SUSD4: variants seen among roughly 807,000 people sequenced by gnomAD.
The protein encoded by SUSD4 is sushi domain containing 4.
In SUSD4, 41 loss-of-function variants were observed where a neutral mutation model predicts 50.5. That is an observed-to-expected ratio of 0.81 (90% CI 0.63 to 1.05). The LOEUF is 1.05. Ranked by LOEUF, SUSD4 falls within the 50% of genes least tolerant of loss-of-function variation. The pLI is 0.00. For missense variants in SUSD4, 580 were observed against 634.7 expected, an observed-to-expected ratio of 0.91 and a Z score of 0.93; for synonymous variants, 257 against 257.3, an observed-to-expected ratio of 1.00 and a Z score of 0.01.
At chr1:223,349,434 TGTGA>T (rs1668231477) in intron 2 of SUSD4, among the ~76,000 whole-genome samples, 1 of 152,126 alleles carries the variant, frequency 6.6e-6, no homozygotes. Flanking sequence ...AATCGAATAA[TGTGA>T]GTGTCTAGCA....
At chr1:223,237,555 A>C (rs1660307973) in intron 5 of SUSD4, among the ~76,000 whole-genome samples, 1 of 151,848 alleles carries the variant, frequency 6.6e-6, no homozygotes, top group Non-Finnish European at 1.5e-5. Context: ...TTTTTTTTTA[A>C]ATCATAAATT....
chr1:223,336,807 G>A (rs943474642), intron 2 of SUSD4, among the ~76,000 whole-genome samples: 2 of 152,010 alleles, frequency 1.3e-5, no homozygotes, highest in Non-Finnish European at 2.9e-5. Flanking sequence ...CTATCTCAGC[G>A]AGTCCTATCA....
rs944579642 is a variant in SUSD4 at position 223,221,533 on chromosome 1, G to A, written c.*659C>T. 1 of 158,394 alleles carries A rather than the reference G, an allele frequency of 6.3e-6. No individual in the cohort carries two copies. The highest frequency in any genetic ancestry group is 1.4e-5 in the Non-Finnish European group (1 of 72,432). The allele number at this position is 158,394 out of a possible 1,614,324, so 9.8% of individuals were successfully genotyped here. A position where few individuals can be genotyped will look rare whatever the true frequency, so the allele number is the denominator to read the frequency against. The stretch of plus-strand genomic sequence containing the variant: ...GAGTTCATGAGCTCTACTTTGTGAA[G>A]AAATTTCCAGAAAGCAGAGTCTGCC... On this transcript the variant is annotated 3_prime_UTR_variant, in exon 9 of 9. Coordinates refer to ENST00000366878, the MANE Select transcript of SUSD4 (RefSeq NM_017982.4).
Position 223,227,677 on chromosome 1 carries a change from C to T in SUSD4, c.978G>A (p.Thr326=), listed in dbSNP as rs780896543. 9.3e-6 allele frequency: 15 copies of T among 1,613,534 alleles called. No homozygotes were observed. The highest frequency in any genetic ancestry group is 2.7e-5 in the African/African-American group (2 of 74,866). The part of the protein sequence containing the change: ...LLTTWKIVAF[T]ATSVLLVLLL... ...GCAGCACCAGCAGCACACTGGTTGC[C>T]GTGAACGCCACAATCTTCCACGTGG... is the stretch of plus-strand genomic sequence containing the variant. The change falls in exon 7 of 9, where the codon ACG becomes ACA. Residue 326 remains threonine, a synonymous_variant. Transcript: ENST00000366878. The surrounding 1 kb of genome is among the most constrained non-coding windows in gnomAD (Gnocchi z 4.5).
intron 2 of SUSD4, among the ~76,000 whole-genome samples, chr1:223,310,933 T>C (rs1227239295): frequency 2.0e-5 from 3 of 152,180 alleles, no homozygotes; most frequent in Admixed American, 2.0e-4. Flanking sequence ...GCAAATAACA[T>C]AATGTCCCTT....
intron 2 of SUSD4, among the ~76,000 whole-genome samples, chr1:223,307,791 A>G (rs1772272): frequency 0.96 from 146,895 of 152,266 alleles, 71,063 homozygotes; most frequent in East Asian, 1. Flanking sequence ...GTCAAGCAAC[A>G]AGATTAGGGC....
intron 3 of SUSD4, among the ~76,000 whole-genome samples, chr1:223,290,240 G>C (rs1221037027): frequency 6.6e-6 from 1 of 152,142 alleles, no homozygotes; most frequent in South Asian, 2.1e-4. Context: ...TTACAAAGCA[G>C]AAAAAAGACA....
At chr1:223,254,274 G>T (rs139678981) in intron 5 of SUSD4, among the ~76,000 whole-genome samples, 3 of 152,270 alleles carry the variant, frequency 2.0e-5, no homozygotes, top group African/African-American at 7.2e-5. Context: ...GGGAGAGGTA[G>T]TTCAAACCAA....
rs1169011787 is a variant in SUSD4, at chr1:223,223,386, G to A, written c.1307C>T (p.Ser436Phe). 2 of 1,613,814 alleles carry A rather than the reference G, an allele frequency of 1.2e-6. No homozygotes were observed. Among genetic ancestry groups the A allele is most frequent in the Admixed American group, 1.7e-5 (1 of 59,978 alleles). ...ESETCDSVSG[S>F]SELLQSLYSP... ...ATACAGACTTTGGAGCAGCTCAGAA[G>A]AGCCTGAGACGCTGTCACAGGTTTC... The change falls in exon 8 of 9, where the codon TCT (serine) becomes TTT (phenylalanine). Residue 436 changes from serine (S) to phenylalanine (F), a missense_variant. By Grantham distance (155) the Ser-to-Phe change is radical. Transcript: ENST00000366878.
intron 2 of SUSD4, among the ~76,000 whole-genome samples, chr1:223,326,799 C>T (rs141082317): frequency 6.6e-6 from 1 of 152,250 alleles, no homozygotes; most frequent in East Asian, 1.9e-4. Flanking sequence ...AATGAGATAC[C>T]ACCTTACTCC....
In SUSD4 at chr1:223,222,942, C is replaced by T. The variant is rs148013586; in HGVS notation, c.1444+307G>A. 8.9e-4 allele frequency among the ~76,000 whole-genome samples: 136 copies of T among 152,260 alleles called. 2 individuals carry two copies. Among genetic ancestry groups the T allele is most frequent in the African/African-American group, 3.1e-3 (130 of 41,540 alleles). ...AATACATTCCAGATCATACAGACACCACAAAAATGAAGCACCGGCCACTGC... is the reference window on the plus strand; with the variant it reads ...AATACATTCCAGATCATACAGACACTACAAAAATGAAGCACCGGCCACTGC... On this transcript the variant is annotated intron_variant, in intron 8 of 8. Transcript: ENST00000366878.
chr1:223,320,254 G>A (rs985492298), intron 2 of SUSD4, among the ~76,000 whole-genome samples: 3 of 152,036 alleles, frequency 2.0e-5, no homozygotes, highest in Admixed American at 6.6e-5. Flanking sequence ...AATAAATATC[G>A]CACATCTAAA....
intron 2 of SUSD4, among the ~76,000 whole-genome samples, chr1:223,353,610 T>C (rs1282894208): frequency 6.6e-6 from 1 of 152,144 alleles, no homozygotes; most frequent in Middle Eastern, 3.2e-3. Context: ...ACTTTGAAGA[T>C]GAACTGACAG....
intron 5 of SUSD4, chr1:223,263,701 C>G: frequency 1.0e-6 from 1 of 985,428 alleles, no homozygotes; most frequent in East Asian, 1.1e-4. Flanking sequence ...TCCTTCTGAG[C>G]AATAGTCACC....
At chr1:223,339,985 C>T (rs997029407) in intron 2 of SUSD4, among the ~76,000 whole-genome samples, 1 of 152,242 alleles carries the variant, frequency 6.6e-6, no homozygotes, top group Non-Finnish European at 1.5e-5. Context: ...CGACACTCAA[C>T]TCCTTATCTC....
intron 2 of SUSD4, among the ~76,000 whole-genome samples, chr1:223,339,493 CCCG>C (rs1170899449): frequency 3.3e-5 from 5 of 152,130 alleles, no homozygotes; most frequent in African/African-American, 1.2e-4. Flanking sequence ...ATCCCTCCAA[CCCG>C]CCATCTCCCT....
chr1:223,322,070 G>A (rs1666602633), intron 2 of SUSD4, among the ~76,000 whole-genome samples: 1 of 152,190 alleles, frequency 6.6e-6, no homozygotes, highest in Non-Finnish European at 1.5e-5. Context: ...AAAAGTTTTG[G>A]GTTTCAGAGC....
chr1:223,246,698 TGTGAGTAA>T (rs1194433412), intron 5 of SUSD4, among the ~76,000 whole-genome samples: 5 of 151,948 alleles, frequency 3.3e-5, no homozygotes, highest in African/African-American at 4.8e-5. Context: ...GTGGTGGAGA[TGTGAGTAA>T]GCTGCCCTCT....
intron 2 of SUSD4, among the ~76,000 whole-genome samples, chr1:223,324,322 G>C (rs1046424459): frequency 4.6e-5 from 7 of 151,182 alleles, no homozygotes; most frequent in African/African-American, 1.7e-4. Context: ...GAGTGTCTTG[G>C]GGCCATTGGG....
Sources: allele counts gnomAD v4.1 joint callset (sites outside exome capture counted in the v4.1 genomes callset), GRCh38; gene constraint gnomAD v4.1.1; non-coding constraint Gnocchi (gnomAD v3.1); transcripts MANE v1.5; gene names NCBI Gene and HGNC (gene_info 2026-07-23, HGNC 2026-07-21).